The following CPLANE1 variants were observed in gnomAD, a reference collection of about 807,000 sequenced individuals.
CPLANE1 encodes the protein ciliogenesis and planar polarity effector 1.
A neutral mutation model predicts 362.5 loss-of-function variants in CPLANE1; 263 were observed. The observed-to-expected ratio is 0.73, with a 90% confidence interval of 0.66 to 0.80. The LOEUF (loss-of-function observed/expected upper bound fraction) is 0.80, where lower values mean the gene tolerates loss of function less well. Ranked by LOEUF, CPLANE1 falls within the 30% of genes least tolerant of loss-of-function variation. The pLI is 0.00. For missense variants in CPLANE1, 3,461 were observed against 3,793.4 expected (o/e 0.91, Z 2.30); for synonymous variants, 1,212 against 1,302.6 (o/e 0.93, Z 1.50).
intron 1 of CPLANE1, among the ~76,000 whole-genome samples, chr5:37,248,019 AC>A (rs1171264344): frequency 6.6e-6 from 1 of 151,936 alleles, no homozygotes; most frequent in African/African-American, 2.4e-5. Context: ...CAAACTCCTG[AC>A]TTCAAGTGAT....
the CPLANE1 span, among the ~76,000 whole-genome samples, chr5:37,087,420 C>T: frequency 6.6e-6 from 1 of 152,178 alleles, no homozygotes; most frequent in Non-Finnish European, 1.5e-5. Context: ...CCTGAGCCCC[C>T]TCCTCCAATA....
rs1757730621 is a variant in CPLANE1 at position 37,106,916 on chromosome 5, C to G, written c.*686G>C. ...ACAATACCAAAAACTAATCAGGTCT[C>G]TGTACCATGGTTCTTACAAATTTAA... On this transcript the variant is annotated 3_prime_UTR_variant, in exon 53 of 53. Transcript: ENST00000651892. 1 of 985,190 alleles carries G rather than the reference C, an allele frequency of 1.0e-6. No individual in the cohort carries two copies. Among genetic ancestry groups the G allele is most frequent in the African/African-American group, 1.7e-5 (1 of 57,234 alleles). The allele number at this position is 985,190 out of a possible 1,614,324, so 61.0% of individuals were successfully genotyped here.
At chr5:37,085,199 A>T in the CPLANE1 span, 2 of 839,842 alleles carry the variant, frequency 2.4e-6, no homozygotes, top group South Asian at 1.3e-5. Flanking sequence ...TCATTTTCCT[A>T]AGGAACAGAC....
the CPLANE1 span, among the ~76,000 whole-genome samples, chr5:37,083,633 T>C: frequency 1.3e-5 from 2 of 152,072 alleles, no homozygotes; most frequent in Non-Finnish European, 2.9e-5. Context: ...TGCAAAATGC[T>C]CTGGAAAGTC....
At chr5:37,203,640 C>T (rs1239960285) in intron 18 of CPLANE1, among the ~76,000 whole-genome samples, 2 of 152,104 alleles carry the variant, frequency 1.3e-5, no homozygotes, top group African/African-American at 4.8e-5. Context: ...TAGTTAGCTT[C>T]CCAAGCAGCT....
intron 16 of CPLANE1, among the ~76,000 whole-genome samples, chr5:37,208,822 A>G (rs986790558): frequency 3.3e-5 from 5 of 151,948 alleles, no homozygotes; most frequent in African/African-American, 1.2e-4. Context: ...ACCATTTGAT[A>G]TATCTTGTTT....
intron 37 of CPLANE1, among the ~76,000 whole-genome samples, chr5:37,162,872 G>A (rs1777210981): frequency 1.3e-5 from 2 of 152,098 alleles, no homozygotes. Flanking sequence ...GAGAGACGGG[G>A]TTTCGCCACG....
rs1370751672 is a variant in CPLANE1, at chr5:37,226,869, G to A, written c.1726C>T (p.Leu576=). 1 of 1,551,340 alleles carries A rather than the reference G, an allele frequency of 6.4e-7. No homozygotes were observed. Among genetic ancestry groups the A allele is most frequent in the East Asian group, 2.4e-5 (1 of 40,876 alleles). Residue 576 remains leucine, a synonymous_variant, in exon 12 of 53, where the codon CTA becomes TTA. Transcript: ENST00000651892. Reference sequence around the variant, plus strand: ...ATTCCTATAGTCCACGCTGCAAGTAGACTTTTCTGGATAGAATGCAGTTCT... The same window carrying A: ...ATTCCTATAGTCCACGCTGCAAGTAAACTTTTCTGGATAGAATGCAGTTCT... ...ITELHSIQKS[L]LAAWTIGISK...
At position 37,121,211 on chromosome 5, in the gene CPLANE1, C is replaced by T. The variant is rs918325115; in HGVS notation, c.9185+406G>A. On this transcript the variant is annotated intron_variant, in intron 49 of 52. Coordinates refer to ENST00000651892, the MANE Select transcript of CPLANE1 (RefSeq NM_001384732.1). ...TGAGCATAACTGGGCAGGTCTGGGG[C>T]GGGTAGCAGAAAGGGAAGTGGTAAG... Among the ~76,000 whole-genome samples the T allele has an allele frequency of 3.3e-5, 5 of 152,076 alleles. 1 individual carries two copies. The highest frequency in any genetic ancestry group is 6.8e-3 in the Middle Eastern group (2 of 294).
chr5:37,242,974 A>G, intron 6 of CPLANE1, 39 bp downstream of exon 6: 1 of 1,427,666 alleles, frequency 7.0e-7, no homozygotes, highest in East Asian at 2.6e-5. Flanking sequence ...AAAGAAAAAA[A>G]AATCAGTAAG....
At chr5:37,172,674 G>A (rs1211521358) in intron 32 of CPLANE1, among the ~76,000 whole-genome samples, 3 of 152,180 alleles carry the variant, frequency 2.0e-5, no homozygotes, top group Admixed American at 2.0e-4. Context: ...TTCTCATCAA[G>A]GCCCCTAAGT....
intron 20 of CPLANE1, 40 bp downstream of exon 20, chr5:37,198,662 C>T: frequency 6.4e-7 from 1 of 1,562,002 alleles, no homozygotes; most frequent in Non-Finnish European, 8.7e-7. Context: ...TGAGTAATTT[C>T]AGTTAACACA....
chr5:37,208,783 CTATTT>C (rs1337883852), intron 16 of CPLANE1, among the ~76,000 whole-genome samples: 6 of 149,200 alleles, frequency 4.0e-5, no homozygotes, highest in East Asian at 4.0e-4. Context: ...CTGTATTGCT[CTATTT>C]TAATTCTCTC....
chr5:37,156,219 G>A (rs930707841), intron 41 of CPLANE1, among the ~76,000 whole-genome samples: 2 of 152,174 alleles, frequency 1.3e-5, no homozygotes, highest in Admixed American at 1.3e-4. Flanking sequence ...GTGGAACCTA[G>A]GGGAGACTTA....
chr5:37,195,805 T>G, intron 21 of CPLANE1, 53 bp downstream of exon 21: 1 of 1,553,500 alleles, frequency 6.4e-7, no homozygotes, highest in East Asian at 2.3e-5. Flanking sequence ...CCAAATCAAA[T>G]GAAAAATATA....
chr5:37,199,294 A>G (rs1405366649), intron 19 of CPLANE1, among the ~76,000 whole-genome samples: 1 of 152,098 alleles, frequency 6.6e-6, no homozygotes, highest in African/African-American at 2.4e-5. Flanking sequence ...GTCTTACGCT[A>G]GAACAGTTAA....
chr5:37,184,693 T>C, intron 25 of CPLANE1, 95 bp downstream of exon 25: 1 of 977,862 alleles, frequency 1.0e-6, no homozygotes, highest in Non-Finnish European at 1.5e-6. Context: ...GCACAATCAG[T>C]GAGGGTTGCT....
At chr5:37,145,699 G>A (rs568141626) in intron 43 of CPLANE1, among the ~76,000 whole-genome samples, 5 of 152,002 alleles carry the variant, frequency 3.3e-5, no homozygotes, top group Admixed American at 6.6e-5. Flanking sequence ...GCAGGAAAGA[G>A]AGAATACAGA....
intron 16 of CPLANE1, chr5:37,210,159 A>T (rs537376570): frequency 1.7e-6 from 2 of 1,152,514 alleles, no homozygotes; most frequent in Admixed American, 3.5e-5. Context: ...TCGGGAAAAG[A>T]GCACCCTTGA....
Sources: allele counts gnomAD v4.1 joint callset (sites outside exome capture counted in the v4.1 genomes callset), GRCh38; gene constraint gnomAD v4.1.1; transcripts MANE v1.5; gene names NCBI Gene and HGNC (gene_info 2026-07-23, HGNC 2026-07-21).